TOX4: variants seen among roughly 807,000 people sequenced by gnomAD.
TOX4 encodes the protein TOX high mobility group box family member 4, also known as epidermal Langerhans cell protein LCP1.
A neutral mutation model predicts 61.0 loss-of-function variants in TOX4; 12 were observed. That is an observed-to-expected ratio of 0.20 (90% CI 0.13 to 0.32). The LOEUF is 0.32. Among genes scored for constraint, TOX4 ranks in the 10% least tolerant of loss-of-function variants. The pLI is 1.00. For synonymous variants in TOX4, 268 were observed against 274.8 expected, an observed-to-expected ratio of 0.98 and a Z score of 0.24; for missense variants, 499 against 753.3, an observed-to-expected ratio of 0.66 and a Z score of 3.95.
chr14:21,495,445 G>A (rs1341825320), intron 8 of TOX4, 53 bp downstream of exon 8: 1 of 1,559,878 alleles, frequency 6.4e-7, no homozygotes, highest in Non-Finnish European at 8.7e-7. Flanking sequence ...ATTCTACTGG[G>A]AAACATAGGA....
rs1594437079 is a variant in TOX4, at chr14:21,498,922, T to C, written c.*2316T>C. On this transcript the variant is annotated 3_prime_UTR_variant, in exon 9 of 9. Coordinates refer to ENST00000448790, the MANE Select transcript of TOX4 (RefSeq NM_014828.4). ...AAGTGGCTTATGAATCCTGTGAAGC[T>C]CATTTATGGACTAGTGTAAAACAAT... The C allele has an allele frequency of 2.7e-6, 2 of 745,552 alleles. No individual in the cohort carries two copies. Among genetic ancestry groups the C allele is most frequent in the East Asian group, 5.3e-5 (2 of 37,808 alleles). 46.2% of individuals were successfully genotyped at this position (745,552 alleles called of 1,614,324 possible). A position where few individuals can be genotyped will look rare whatever the true frequency, so the allele number is the denominator to read the frequency against.
At chr14:21,496,502 A>G in intron 8 of TOX4, 44 bp from the exon 9 acceptor site, 2 of 1,544,258 alleles carry the variant, frequency 1.3e-6, no homozygotes, top group South Asian at 2.3e-5. Context: ...ATTCTATTTC[A>G]GTTTGTGTAT....
chr14:21,477,296 A>C lies in TOX4; in HGVS notation c.6+12A>C. The stretch of plus-strand genomic sequence containing the variant: ...GTGTGAAGATGGAGGTAGGAACCTG[A>C]TAGCTAAGAAGGCTGGCGAGAGAAC... On this transcript the variant is annotated intron_variant, in intron 1 of 8. Transcript: ENST00000448790. The C allele has an allele frequency of 3.1e-6, 5 of 1,614,022 alleles. No homozygotes were observed. The highest frequency in any genetic ancestry group is 4.2e-6 in the Non-Finnish European group (5 of 1,179,950).
rs112368262 is a variant in TOX4, at chr14:21,495,098, T to C, written c.1642-131T>C. On this transcript the variant is annotated intron_variant, in intron 7 of 8. Transcript: ENST00000448790. Reference sequence around the variant, plus strand: ...GGGAGACCAAGAACTCACCTTCTTCTGCAGTTTTGCCCCCCAGTGTGAGGA... The same window carrying C: ...GGGAGACCAAGAACTCACCTTCTTCCGCAGTTTTGCCCCCCAGTGTGAGGA... The C allele has an allele frequency of 3.6e-3, 3,449 of 953,498 alleles. 69 individuals are homozygous for C. The African/African-American group carries it at 0.051, about 14-fold the overall frequency. 59.1% of individuals were successfully genotyped at this position (953,498 alleles called of 1,614,324 possible). A position where few individuals can be genotyped will look rare whatever the true frequency, so the allele number is the denominator to read the frequency against.
At chr14:21,495,615 AC>A (rs1444705913) in intron 8 of TOX4, 5 of 435,134 alleles carry the variant, frequency 1.1e-5, no homozygotes, top group African/African-American at 8.1e-5. Context: ...GTTACCACAT[AC>A]CTCTCTTATG....
At chr14:21,493,737 CCT>C (rs1491415103) in intron 7 of TOX4, among the ~76,000 whole-genome samples, 2 of 138,118 alleles carry the variant, frequency 1.4e-5, no homozygotes, top group African/African-American at 5.0e-5. Flanking sequence ...CTGCACCCGC[CCT>C]GTTTTGTTTT....
Position 21,498,060 on chromosome 14 carries a change from A to G in TOX4, c.*1454A>G, listed in dbSNP as rs1891450378. 2 of 563,300 alleles carry G rather than the reference A, an allele frequency of 3.6e-6. No homozygotes were observed. Among genetic ancestry groups the G allele is most frequent in the Non-Finnish European group, 6.3e-6 (2 of 318,040 alleles). The allele number at this position is 563,300 out of a possible 1,614,324, so 34.9% of individuals were successfully genotyped here. A position where few individuals can be genotyped will look rare whatever the true frequency, so the allele number is the denominator to read the frequency against. Reference sequence around the variant, plus strand: ...AGCAACCCAATGAGGTAATACTCCCATTTCACATATAATACTGAGAGATGA... The same window carrying G: ...AGCAACCCAATGAGGTAATACTCCCGTTTCACATATAATACTGAGAGATGA... On this transcript the variant is annotated 3_prime_UTR_variant, in exon 9 of 9. Transcript: ENST00000448790.
rs1382131452 is a variant in TOX4 at position 21,492,544 on chromosome 14, C to T, written c.928C>T (p.Pro310Ser). The change falls in exon 7 of 9, where the codon CCA becomes TCA. Residue 310 changes from proline to serine, a missense_variant. By Grantham distance (74) the Pro-to-Ser change is moderately conservative (BLOSUM62 -1). Coordinates refer to ENST00000448790, the MANE Select transcript of TOX4 (RefSeq NM_014828.4). ...AACAGTGGAATTGGATCCAGCACCACCATCACAAACTCCTTCTCCACCTCC... is the reference window on the plus strand; with the variant it reads ...AACAGTGGAATTGGATCCAGCACCATCATCACAAACTCCTTCTCCACCTCC... ...VETVELDPAP[P>S]SQTPSPPPMA... 6.2e-7 allele frequency: 1 copy of T among 1,613,966 alleles called. No homozygotes were observed. The highest frequency in any genetic ancestry group is 2.2e-5 in the East Asian group (1 of 44,870).
At chr14:21,481,005 G>A (rs1233786884) in intron 2 of TOX4, among the ~76,000 whole-genome samples, 4 of 152,094 alleles carry the variant, frequency 2.6e-5, no homozygotes, top group African/African-American at 4.8e-5. Context: ...CAGGAGAATC[G>A]CTTGAACCTG....
chr14:21,498,478 G>T lies in TOX4; in HGVS notation c.*1872G>T. 1 of 1,002,964 alleles carries T rather than the reference G, an allele frequency of 1.0e-6. No individual in the cohort carries two copies. Among genetic ancestry groups the T allele is most frequent in the Non-Finnish European group, 1.5e-6 (1 of 666,502 alleles). The allele number at this position is 1,002,964 out of a possible 1,614,324, so 62.1% of individuals were successfully genotyped here. A position where few individuals can be genotyped will look rare whatever the true frequency, so the allele number is the denominator to read the frequency against. On this transcript the variant is annotated 3_prime_UTR_variant, in exon 9 of 9. Transcript: ENST00000448790. Reference sequence around the variant, plus strand: ...GACTGCCTATCATCATATCAAATATGCCAATTCTAAAAAGAGCTTAACATT... The same window carrying T: ...GACTGCCTATCATCATATCAAATATTCCAATTCTAAAAAGAGCTTAACATT...
chr14:21,493,415 C>A (rs376299125), intron 7 of TOX4, among the ~76,000 whole-genome samples, 158 bp downstream of exon 7: 1 of 151,920 alleles, frequency 6.6e-6, no homozygotes, highest in Non-Finnish European at 1.5e-5. Flanking sequence ...GTTGACTTCT[C>A]TTACCCAAGG....
rs1891166888 is a variant in TOX4, at chr14:21,484,563, TGGTCTC to T, written c.76-2886_76-2881del. On this transcript the variant is annotated intron_variant, in intron 2 of 8. Transcript: ENST00000448790. ...TGGATTTTCGCCATGTTGGCCAGGC[TGGTCTC>T]GAACTCTTGACCTCAGGTGGTCCAC... Among the ~76,000 whole-genome samples, 2 of 104,104 alleles carry T rather than the reference TGGTCTC, an allele frequency of 1.9e-5. 1 individual carries two copies. The highest frequency in any genetic ancestry group is 4.2e-5 in the Non-Finnish European group (2 of 47,764). The allele number at this position is 104,104 out of a possible 152,430, so 68.3% of individuals were successfully genotyped here.
Position 21,477,481 on chromosome 14 carries a change from T to C in TOX4, c.7-15T>C, listed in dbSNP as rs746406820. 7.4e-6 allele frequency: 12 copies of C among 1,613,138 alleles called. No individual in the cohort carries two copies. The highest frequency in any genetic ancestry group is 1.0e-5 in the Non-Finnish European group (12 of 1,180,024). On this transcript the variant is annotated splice_polypyrimidine_tract_variant and intron_variant, in intron 1 of 8. Transcript: ENST00000448790. ...TCCCCCTAACTTATCCCCGCGACTTTCTTTTGGTTTCCAGTTTCCCGGAGG... is the reference window on the plus strand; with the variant it reads ...TCCCCCTAACTTATCCCCGCGACTTCCTTTTGGTTTCCAGTTTCCCGGAGG...
chr14:21,488,893 G>A (rs1361371752), intron 4 of TOX4, 43 bp downstream of exon 4: 1 of 1,602,628 alleles, frequency 6.2e-7, no homozygotes, highest in Admixed American at 1.7e-5. Context: ...GTGATAGTCT[G>A]GGATAAAATT....
At chr14:21,477,448 C>G (rs1230716479) in intron 1 of TOX4, 48 bp from the exon 2 acceptor site, 2 of 1,611,490 alleles carry the variant, frequency 1.2e-6, no homozygotes, top group Admixed American at 1.7e-5. Flanking sequence ...TCCAAGCTGA[C>G]TCCCTGCTCC....
chr14:21,499,120 A>T lies in TOX4; in HGVS notation c.*2514A>T. The T allele has an allele frequency of 6.2e-7, 1 of 1,614,010 alleles. No homozygotes were observed. Among genetic ancestry groups the T allele is most frequent in the Non-Finnish European group, 8.5e-7 (1 of 1,179,884 alleles). ...TCATGCCATAGATTTCATCTGGTTT[A>T]TGACTGGTGGAACGAACCTAGGAAA... On this transcript the variant is annotated 3_prime_UTR_variant, in exon 9 of 9. Coordinates refer to ENST00000448790, the MANE Select transcript of TOX4 (RefSeq NM_014828.4).
chr14:21,498,770 G>A lies in TOX4; in HGVS notation c.*2164G>A. ...GGCAGATTCAATACATCACAGAATG[G>A]CTGAGGAAGATCCTTGGGTTGTGAA... On this transcript the variant is annotated 3_prime_UTR_variant, in exon 9 of 9. Coordinates refer to ENST00000448790, the MANE Select transcript of TOX4 (RefSeq NM_014828.4). The A allele has an allele frequency of 2.0e-6, 1 of 497,166 alleles. No homozygotes were observed. The highest frequency in any genetic ancestry group is 3.5e-5 in the East Asian group (1 of 28,948). 30.8% of individuals were successfully genotyped at this position (497,166 alleles called of 1,614,324 possible).
intron 2 of TOX4, among the ~76,000 whole-genome samples, chr14:21,478,233 CG>C (rs1188390835): frequency 6.6e-6 from 1 of 152,236 alleles, no homozygotes; most frequent in Non-Finnish European, 1.5e-5. Context: ...CCATTGCGCC[CG>C]GCCTAAATTT....
At position 21,497,528 on chromosome 14, in the gene TOX4, T is replaced by G. The variant is rs1368144678; in HGVS notation, c.*922T>G. The G allele has an allele frequency of 1.6e-4, 6 of 37,174 alleles. No individual in the cohort carries two copies. The East Asian group carries it at 6.2e-3, about 38-fold the overall frequency. 2.3% of individuals were successfully genotyped at this position (37,174 alleles called of 1,614,324 possible). On this transcript the variant is annotated 3_prime_UTR_variant, in exon 9 of 9. Transcript: ENST00000448790. ...GTTTTCTGTGTGTTTTTTGTTTTTTTTTTTTTTTTTTTTTTTTGAGACAGA... is the reference window on the plus strand; with the variant it reads ...GTTTTCTGTGTGTTTTTTGTTTTTTGTTTTTTTTTTTTTTTTTGAGACAGA...
Sources: gnomAD v4.1 joint callset for allele counts (sites outside exome capture counted in the v4.1 genomes callset) on GRCh38, gnomAD v4.1.1 for gene constraint, MANE v1.5 for transcripts, NCBI Gene and HGNC (gene_info 2026-07-23, HGNC 2026-07-21) for gene names.